The following TYW1B variants were observed in gnomAD, a reference collection of about 807,000 sequenced individuals.
TYW1B encodes tRNA-yW synthesizing protein 1 homolog B, also known as S-adenosyl-L-methionine-dependent tRNA 4-demethylwyosine synthase TYW1B.
A neutral mutation model predicts 86.9 loss-of-function variants in TYW1B; 73 were observed. The ratio of observed to expected loss-of-function variants is 0.84; its 90% confidence interval spans 0.70 to 1.02. The LOEUF is 1.02. Among genes scored for constraint, TYW1B ranks in the 50% least tolerant of loss-of-function variants. The pLI is 0.00. For missense variants in TYW1B, 637 were observed against 827.4 expected, an observed-to-expected ratio of 0.77 and a Z score of 2.82; for synonymous variants, 248 against 292.8, an observed-to-expected ratio of 0.85 and a Z score of 1.56.
chr7:72,619,510 G>A (rs570378148), intron 12 of TYW1B, among the ~76,000 whole-genome samples: 44 of 151,564 alleles, frequency 2.9e-4, no homozygotes, highest in East Asian at 1.7e-3. Flanking sequence ...GCACGGTGGC[G>A]GGCGCCTGTA....
chr7:72,756,453 T>C (rs1219048674), intron 7 of TYW1B, among the ~76,000 whole-genome samples: 1 of 151,958 alleles, frequency 6.6e-6, no homozygotes, highest in African/African-American at 2.4e-5. Flanking sequence ...GAGGCTGGTC[T>C]CGAACTCCTG....
At chr7:72,718,288 A>T (rs1446503215) in intron 9 of TYW1B, among the ~76,000 whole-genome samples, 1 of 152,128 alleles carries the variant, frequency 6.6e-6, no homozygotes, top group Admixed American at 6.6e-5. Context: ...ACGGACCTAA[A>T]GATGGAAATA....
At chr7:72,779,481 C>G (rs1346896952) in intron 6 of TYW1B, among the ~76,000 whole-genome samples, 1 of 152,252 alleles carries the variant, frequency 6.6e-6, no homozygotes, top group African/African-American at 2.4e-5. Context: ...CTATGGGAGG[C>G]TGAGGCAACT....
chr7:72,731,146 A>C (rs1367691530), intron 8 of TYW1B, among the ~76,000 whole-genome samples: 3 of 149,866 alleles, frequency 2.0e-5, no homozygotes, highest in Non-Finnish European at 4.5e-5. Context: ...AAAAAAAAAA[A>C]AGACCACCAA....
At chr7:72,694,077 C>T (rs1814245433) in intron 11 of TYW1B, among the ~76,000 whole-genome samples, 2 of 152,146 alleles carry the variant, frequency 1.3e-5, no homozygotes, top group African/African-American at 4.8e-5. Context: ...TCTCCTGCCT[C>T]AGCCTCCCAA....
At chr7:72,775,822 T>C (rs1392706115) in intron 7 of TYW1B, among the ~76,000 whole-genome samples, 1 of 152,050 alleles carries the variant, frequency 6.6e-6, no homozygotes, top group African/African-American at 2.4e-5. Flanking sequence ...ACATGGTAAC[T>C]ACATGAGTAC....
chr7:72,733,128 T>C (rs1787140460), intron 8 of TYW1B, among the ~76,000 whole-genome samples: 1 of 151,170 alleles, frequency 6.6e-6, no homozygotes, highest in African/African-American at 2.4e-5. Flanking sequence ...CACGGCCAGA[T>C]GGCTTCCCTG....
At chr7:72,599,390 A>G (rs1235221615) in intron 13 of TYW1B, among the ~76,000 whole-genome samples, 1 of 152,196 alleles carries the variant, frequency 6.6e-6, no homozygotes, top group Non-Finnish European at 1.5e-5. Flanking sequence ...AACTTTCTCA[A>G]CCTAATAAAC....
chr7:72,681,371 G>C (rs546441334), intron 11 of TYW1B, among the ~76,000 whole-genome samples: 1 of 152,206 alleles, frequency 6.6e-6, no homozygotes, highest in East Asian at 1.9e-4. Flanking sequence ...TTCAGAGCAA[G>C]GACGATTAAA....
chr7:72,826,061 G>C (rs1788924185), intron 2 of TYW1B, among the ~76,000 whole-genome samples: 1 of 152,196 alleles, frequency 6.6e-6, no homozygotes, highest in Non-Finnish European at 1.5e-5. Flanking sequence ...AAAATGTCAG[G>C]AAACCAAAGG....
At chr7:72,699,966 G>A (rs1585912508) in intron 10 of TYW1B, among the ~76,000 whole-genome samples, 1 of 151,626 alleles carries the variant, frequency 6.6e-6, no homozygotes, top group South Asian at 2.1e-4. Flanking sequence ...TTCCATTTCT[G>A]TGACTAAGCA....
intron 11 of TYW1B, among the ~76,000 whole-genome samples, chr7:72,662,702 G>A (rs1315463979): frequency 2.6e-5 from 4 of 152,128 alleles, no homozygotes; most frequent in South Asian, 4.1e-4. Flanking sequence ...CAATATCTCA[G>A]ACTATGAAGG....
chr7:72,593,677 C>A (rs1811454941), intron 13 of TYW1B, among the ~76,000 whole-genome samples: 1 of 151,730 alleles, frequency 6.6e-6, no homozygotes, highest in Non-Finnish European at 1.5e-5. Context: ...AAAAAATTAG[C>A]AGGGCATGGT....
intron 13 of TYW1B, among the ~76,000 whole-genome samples, chr7:72,602,692 A>G (rs1412812801): frequency 6.6e-6 from 1 of 152,194 alleles, no homozygotes; most frequent in Non-Finnish European, 1.5e-5. Context: ...ATGGCAGCAT[A>G]CATACAGTTT....
At chr7:72,637,069 A>G (rs1339490901) in intron 11 of TYW1B, among the ~76,000 whole-genome samples, 1 of 152,134 alleles carries the variant, frequency 6.6e-6, no homozygotes, top group Non-Finnish European at 1.5e-5. Flanking sequence ...GGTTGCAGTG[A>G]GCTGAGATCA....
intron 13 of TYW1B, among the ~76,000 whole-genome samples, chr7:72,610,368 C>T (rs1179266149): frequency 1.3e-4 from 20 of 152,112 alleles, no homozygotes; most frequent in African/African-American, 4.8e-4. Context: ...CCCATTCACT[C>T]TCTACCTACA....
In TYW1B at chr7:72,588,109, C is replaced by A. The variant is rs868926341; in HGVS notation, c.1786-12390G>T. ...ATAGTGGAATGCTGAGAGCTGTTGC[C>A]ACCTTCTTCTGAGTTTACTGGTAAT... On this transcript the variant is annotated intron_variant, in intron 13 of 13. Transcript: ENST00000620995. 7.9e-5 allele frequency among the ~76,000 whole-genome samples: 12 copies of A among 152,306 alleles called. No homozygotes were observed. In the South Asian group the frequency reaches 1.2e-3, roughly 16 times the overall value.
intron 9 of TYW1B, among the ~76,000 whole-genome samples, chr7:72,723,912 T>C (rs1202049990): frequency 3.4e-4 from 51 of 151,450 alleles, no homozygotes; most frequent in Non-Finnish European, 6.2e-4. Flanking sequence ...TTCTTTGAAG[T>C]GTTACAGACT....
At chr7:72,736,336 C>A (rs1554461009) in intron 8 of TYW1B, among the ~76,000 whole-genome samples, 1 of 152,200 alleles carries the variant, frequency 6.6e-6, no homozygotes, top group Non-Finnish European at 1.5e-5. Flanking sequence ...TTGCTGGGAC[C>A]AGTATAAGCA....
Sources: gnomAD v4.1 joint callset for allele counts (sites outside exome capture counted in the v4.1 genomes callset) on GRCh38, gnomAD v4.1.1 for gene constraint, MANE v1.5 for transcripts, NCBI Gene and HGNC (gene_info 2026-07-23, HGNC 2026-07-21) for gene names.